RASGRF2: variants seen among roughly 807,000 people sequenced by gnomAD.
The protein encoded by RASGRF2 is Ras protein specific guanine nucleotide releasing factor 2.
Under a neutral mutation model 151.0 loss-of-function variants are expected in RASGRF2, and 76 were observed. The observed-to-expected ratio is 0.50, with a 90% CI of 0.42 to 0.61. The LOEUF is 0.61. Ranked by LOEUF, RASGRF2 falls within the 20% of genes least tolerant of loss-of-function variation. RASGRF2 has a pLI of 0.00. For synonymous variants in RASGRF2, 504 were observed against 566.5 expected, an observed-to-expected ratio of 0.89 and a Z score of 1.57; for missense variants, 1,148 against 1,564.6, an observed-to-expected ratio of 0.73 and a Z score of 4.49.
At chr5:81,099,056 G>A (rs921980333) in intron 12 of RASGRF2, among the ~76,000 whole-genome samples, 1 of 152,132 alleles carries the variant, frequency 6.6e-6, no homozygotes, top group African/African-American at 2.4e-5. Flanking sequence ...GTTTTTAAAT[G>A]CAGATTCCTT....
At chr5:81,084,102 A>G (rs926548717) in intron 7 of RASGRF2, among the ~76,000 whole-genome samples, 2 of 152,232 alleles carry the variant, frequency 1.3e-5, no homozygotes, top group Non-Finnish European at 2.9e-5. Flanking sequence ...ACTGAATTCA[A>G]ATCCATCTAC....
At chr5:81,003,921 G>C (rs1749179453) in intron 1 of RASGRF2, among the ~76,000 whole-genome samples, 1 of 152,100 alleles carries the variant, frequency 6.6e-6, no homozygotes, top group South Asian at 2.1e-4. Context: ...TTAGATCTTT[G>C]GCGAGAGTCC....
chr5:81,085,816 C>T lies in RASGRF2; in HGVS notation c.1176C>T (p.Ile392=), dbSNP rs1223169579. 5.6e-6 allele frequency: 9 copies of T among 1,613,958 alleles called. No homozygotes were observed. Among genetic ancestry groups the T allele is most frequent in the Non-Finnish European group, 6.8e-6 (8 of 1,180,014 alleles). The change falls in exon 8 of 27, where the codon ATC becomes ATT. Residue 392 remains isoleucine (I), a synonymous_variant. Coordinates refer to ENST00000265080, the MANE Select transcript of RASGRF2 (RefSeq NM_006909.3). ...TYPMFQIPRY[I]ITLHELLAHT... is the part of the protein sequence containing the mutation. ...TTTGCATCTAGATCCCCAGATATAT[C>T]ATCACACTCCATGAGCTCCTTGCTC...
intron 2 of RASGRF2, among the ~76,000 whole-genome samples, chr5:81,060,733 A>C (rs1561584775): frequency 6.6e-6 from 1 of 152,248 alleles, no homozygotes; most frequent in Non-Finnish European, 1.5e-5. Context: ...ATCCCAATGC[A>C]TGAAGTAAAT....
At chr5:81,162,382 C>A (rs1017346028) in intron 17 of RASGRF2, among the ~76,000 whole-genome samples, 21 of 152,112 alleles carry the variant, frequency 1.4e-4, no homozygotes, top group African/African-American at 5.1e-4. Flanking sequence ...GAGCCTCACT[C>A]TTTTGTCCAG....
chr5:81,222,187 A>G (rs989794604), intron 26 of RASGRF2, among the ~76,000 whole-genome samples: 1 of 152,162 alleles, frequency 6.6e-6, no homozygotes, highest in Admixed American at 6.5e-5. Context: ...TATAGATTTT[A>G]TACACATCTA....
chr5:81,018,430 C>T (rs1287129039), intron 1 of RASGRF2, among the ~76,000 whole-genome samples: 1 of 152,142 alleles, frequency 6.6e-6, no homozygotes, highest in African/African-American at 2.4e-5. Context: ...TTCTCTGTGC[C>T]TCTACGGCTC....
chr5:81,117,440 C>A (rs1243356966), intron 15 of RASGRF2, among the ~76,000 whole-genome samples: 1 of 152,044 alleles, frequency 6.6e-6, no homozygotes, highest in Non-Finnish European at 1.5e-5. Context: ...TATAAGGAAC[C>A]CACTACTGCA....
Position 81,222,703 on chromosome 5 carries a change from A to AAATGTTTCTTGAATTAGTTAATTCAAGTC in RASGRF2, c.3621+2927_3622-2945dup, listed in dbSNP as rs1243256113. On this transcript the variant is annotated intron_variant, in intron 26 of 26. Transcript: ENST00000265080. ...CAGTGCCTGGACCATAGTAGATAAT[A>AAATGTTTCTTGAATTAGTTAATTCAAGTC]AATGTTTCTTGAATTAGTTAATTCA... 4.9e-3 allele frequency among the ~76,000 whole-genome samples: 750 copies of AAATGTTTCTTGAATTAGTTAATTCAAGTC among 152,304 alleles called. 7 individuals are homozygous for AAATGTTTCTTGAATTAGTTAATTCAAGTC. The highest frequency in any genetic ancestry group is 5.9e-3 in the Non-Finnish European group (398 of 68,016).
At chr5:81,076,363 C>G (rs1369162062) in intron 5 of RASGRF2, among the ~76,000 whole-genome samples, 4 of 152,154 alleles carry the variant, frequency 2.6e-5, no homozygotes, top group African/African-American at 9.7e-5. Flanking sequence ...ATGTACTGCT[C>G]AGGTCAAGAG....
Position 80,987,464 on chromosome 5 carries a change from A to G in RASGRF2, c.288+26438A>G, listed in dbSNP as rs928492025. 3.3e-5 allele frequency among the ~76,000 whole-genome samples: 5 copies of G among 152,218 alleles called. No individual in the cohort carries two copies. In the East Asian group the frequency reaches 9.6e-4, roughly 29 times the overall value. ...CAAGTAGTTCAGTCGTTTGAATTCA[A>G]CACTAATTTTATTTCAGCTTCATGA... On this transcript the variant is annotated intron_variant, in intron 1 of 26. Coordinates refer to ENST00000265080, the MANE Select transcript of RASGRF2 (RefSeq NM_006909.3).
intron 2 of RASGRF2, among the ~76,000 whole-genome samples, chr5:81,048,871 T>G (rs760692059): frequency 3.9e-5 from 6 of 152,166 alleles, no homozygotes; most frequent in Non-Finnish European, 7.3e-5. Context: ...TCCTGTCTTG[T>G]AAGAGAAATT....
chr5:81,020,544 G>T (rs1484187514), intron 1 of RASGRF2, among the ~76,000 whole-genome samples: 1 of 152,120 alleles, frequency 6.6e-6, no homozygotes, highest in East Asian at 1.9e-4. Flanking sequence ...AAAGTGCTAG[G>T]ATTGAGGGTA....
chr5:81,095,418 A>T (rs1752519652), intron 12 of RASGRF2, among the ~76,000 whole-genome samples: 1 of 152,252 alleles, frequency 6.6e-6, no homozygotes, highest in Admixed American at 6.5e-5. Flanking sequence ...GAATCAAAAG[A>T]GACACCGTCT....
At chr5:81,219,653 G>A in intron 25 of RASGRF2, 57 bp from the exon 26 acceptor site, 2 of 1,443,342 alleles carry the variant, frequency 1.4e-6, no homozygotes, top group Admixed American at 1.7e-5. Context: ...TGCAATGCAG[G>A]AAATACCTTT....
chr5:81,198,493 GCAGTGGCGCGATCT>G (rs1267733250), intron 18 of RASGRF2, among the ~76,000 whole-genome samples: 1 of 151,766 alleles, frequency 6.6e-6, no homozygotes, highest in South Asian at 2.1e-4. Context: ...AGGCTGGAGT[GCAGTGGCGCGATCT>G]TGGCTCACGG....
At chr5:81,175,905 T>C (rs1754764400) in intron 17 of RASGRF2, among the ~76,000 whole-genome samples, 1 of 152,208 alleles carries the variant, frequency 6.6e-6, no homozygotes, top group African/African-American at 2.4e-5. Flanking sequence ...ATTCCTAATT[T>C]GTCCCAAATG....
chr5:81,115,865 G>T (rs971454661), intron 15 of RASGRF2, among the ~76,000 whole-genome samples: 1 of 152,070 alleles, frequency 6.6e-6, no homozygotes, highest in Non-Finnish European at 1.5e-5. Flanking sequence ...TAACTATATG[G>T]GCAAGTGGTA....
At chr5:81,040,166 G>A (rs561660324) in intron 1 of RASGRF2, among the ~76,000 whole-genome samples, 19 of 151,992 alleles carry the variant, frequency 1.3e-4, no homozygotes, top group African/African-American at 4.6e-4. Context: ...ACCATGCCTA[G>A]CCAATGTTTT....
Sources: gnomAD v4.1 joint callset for allele counts (sites outside exome capture counted in the v4.1 genomes callset) on GRCh38, gnomAD v4.1.1 for gene constraint, MANE v1.5 for transcripts, NCBI Gene and HGNC (gene_info 2026-07-23, HGNC 2026-07-21) for gene names.